Variants in PCDH11X observed in about 807,000 individuals in gnomAD.
PCDH11X encodes the protein protocadherin-11 X-linked.
Under a neutral mutation model 53.3 loss-of-function variants are expected in PCDH11X, and 18 were observed. The ratio of observed to expected loss-of-function variants is 0.34; its 90% CI spans 0.23 to 0.50. The LOEUF (loss-of-function observed/expected upper bound fraction) is 0.50. Among genes scored for constraint, PCDH11X ranks in the 20% least tolerant of loss-of-function variants. The pLI, the probability that PCDH11X is intolerant of heterozygous loss-of-function variation, is 0.98. For synonymous variants in PCDH11X, 279 were observed against 393.3 expected, an observed-to-expected ratio of 0.71 and a Z score of 3.44; for missense variants, 570 against 1,032.4, an observed-to-expected ratio of 0.55 and a Z score of 6.14.
At chrX:92,182,257 T>C (rs1569410111) in intron 6 of PCDH11X, among the ~76,000 whole-genome samples, 1 of 111,987 alleles carries the variant, frequency 8.9e-6, no homozygotes, top group Non-Finnish European at 1.9e-5. Flanking sequence ...CCCTTTGTTT[T>C]GGCCAATTTC....
rs2065279231 is a variant in PCDH11X at position 92,147,090 on chromosome X, G to T, written c.3034-54285G>T. Reference sequence around the variant, plus strand: ...ATTTTTATTTATCTTAAATGGGAATGAAATAAATAGCTCAGTAGAGACATT... The same window carrying T: ...ATTTTTATTTATCTTAAATGGGAATTAAATAAATAGCTCAGTAGAGACATT... On this transcript the variant is annotated intron_variant, in intron 6 of 10. Transcript: ENST00000682573. Among the ~76,000 whole-genome samples, 4 of 108,974 alleles carry T rather than the reference G, an allele frequency of 3.7e-5. No homozygotes were observed. The South Asian group carries it at 1.2e-3, about 31-fold the overall frequency. 94.6% of individuals were successfully genotyped at this position (108,974 alleles called of 115,157 possible).
At chrX:92,298,553 T>C (rs910730677) in intron 8 of PCDH11X, among the ~76,000 whole-genome samples, 1 of 111,754 alleles carries the variant, frequency 8.9e-6, no homozygotes, top group African/African-American at 3.3e-5. Context: ...TGCTAGTATT[T>C]TGTTGAGAAT....
chrX:91,904,534 T>C (rs1941077469), intron 6 of PCDH11X, among the ~76,000 whole-genome samples: 1 of 111,294 alleles, frequency 9.0e-6, no homozygotes, highest in African/African-American at 3.3e-5. Context: ...AAATTAATTG[T>C]AGAACGTTTG....
At chrX:91,903,885 A>G (rs1223609896) in intron 6 of PCDH11X, among the ~76,000 whole-genome samples, 1 of 110,556 alleles carries the variant, frequency 9.0e-6, no homozygotes, top group African/African-American at 3.3e-5. Context: ...GAAAATAGGG[A>G]CTAACGAATG....
At chrX:92,041,727 T>G (rs1044620701) in intron 6 of PCDH11X, among the ~76,000 whole-genome samples, 2 of 112,073 alleles carry the variant, frequency 1.8e-5, no homozygotes, top group Non-Finnish European at 3.8e-5. Flanking sequence ...ATCCCAGCAC[T>G]TTGGGAGGCT....
rs181839549 is a variant in PCDH11X at position 91,983,925 on chromosome X, G to T, written c.3033+104652G>T. Among the ~76,000 whole-genome samples the T allele has an allele frequency of 6.1e-3, 685 of 111,610 alleles. 6 individuals are homozygous for T. Among genetic ancestry groups the T allele is most frequent in the African/African-American group, 0.022 (661 of 30,689 alleles). ...TATATATGTAGACTGTGTTCTTATT[G>T]TGTTATTAGTATCTAAAGTTACATT... On this transcript the variant is annotated intron_variant, in intron 6 of 10. Transcript: ENST00000682573.
intron 9 of PCDH11X, among the ~76,000 whole-genome samples, chrX:92,449,860 A>G (rs1391091499): frequency 9.0e-6 from 1 of 110,934 alleles, no homozygotes; most frequent in East Asian, 2.8e-4. Flanking sequence ...TATGTCAGAG[A>G]GTTGTTGAAA....
chrX:92,181,745 C>T (rs1029224509), intron 6 of PCDH11X, among the ~76,000 whole-genome samples: 3 of 112,589 alleles, frequency 2.7e-5, no homozygotes, highest in African/African-American at 9.7e-5. Flanking sequence ...GCACCTTCCA[C>T]ATGGTGTTGA....
intron 9 of PCDH11X, among the ~76,000 whole-genome samples, chrX:92,432,837 C>A (rs954685322): frequency 9.2e-6 from 1 of 108,287 alleles, no homozygotes; most frequent in South Asian, 4.1e-4. Flanking sequence ...ACAGGAAAAC[C>A]TAGTGAACAA....
chrX:92,222,891 G>A (rs1362178742), intron 7 of PCDH11X, among the ~76,000 whole-genome samples: 5 of 112,040 alleles, frequency 4.5e-5, no homozygotes, highest in East Asian at 2.8e-4. Flanking sequence ...TCCGTCACCC[G>A]TTGTTCACTG....
intron 4 of PCDH11X, among the ~76,000 whole-genome samples, chrX:91,823,722 G>T (rs1602298491): frequency 9.0e-6 from 1 of 111,166 alleles, no homozygotes; most frequent in South Asian, 3.8e-4. Context: ...TCATTATGAT[G>T]TTAGCTGGTT....
At chrX:92,304,104 C>T (rs1299379861) in intron 8 of PCDH11X, among the ~76,000 whole-genome samples, 3 of 105,856 alleles carry the variant, frequency 2.8e-5, no homozygotes, top group Admixed American at 1.0e-4. Flanking sequence ...TTATGTCTCC[C>T]AAGGGTCATC....
chrX:92,279,408 T>C (rs749006842), intron 8 of PCDH11X, among the ~76,000 whole-genome samples: 2 of 112,216 alleles, frequency 1.8e-5, no homozygotes, highest in East Asian at 5.6e-4. Context: ...GTGGAGCAAA[T>C]CACAAATATT....
At chrX:92,442,894 T>C (rs1052964521) in intron 9 of PCDH11X, among the ~76,000 whole-genome samples, 7 of 105,972 alleles carry the variant, frequency 6.6e-5, no homozygotes, top group Non-Finnish European at 1.4e-4. Flanking sequence ...ATGTGTCTTT[T>C]TGGTAGAAAA....
At chrX:92,147,810 C>CCTTTCTTTCTTTCTTTCTTTTTCTTT (rs2065297561) in intron 6 of PCDH11X, among the ~76,000 whole-genome samples, 1 of 70,198 alleles carries the variant, frequency 1.4e-5, no homozygotes, top group African/African-American at 5.5e-5. Flanking sequence ...TTTCTTCCTT[C>CCTTTCTTTCTTTCTTTCTTTTTCTTT]CTTTCTTTCT....
intron 6 of PCDH11X, among the ~76,000 whole-genome samples, chrX:92,071,525 C>T (rs1314563634): frequency 9.0e-6 from 1 of 111,129 alleles, no homozygotes; most frequent in Non-Finnish European, 1.9e-5. Flanking sequence ...TGTAAGTGTT[C>T]ATCAGTGTCT....
At chrX:91,874,497 G>A (rs1356368267) in intron 5 of PCDH11X, among the ~76,000 whole-genome samples, 1 of 110,948 alleles carries the variant, frequency 9.0e-6, no homozygotes, top group Non-Finnish European at 1.9e-5. Context: ...ATATACTTTG[G>A]TTAGCTCTTG....
intron 8 of PCDH11X, among the ~76,000 whole-genome samples, chrX:92,325,495 T>C (rs2069310076): frequency 9.0e-6 from 1 of 111,632 alleles, no homozygotes; most frequent in Non-Finnish European, 1.9e-5. Context: ...TTTTAGGAAA[T>C]GCAGCGTTCT....
At chrX:92,156,244 C>G (rs770595866) in intron 6 of PCDH11X, among the ~76,000 whole-genome samples, 1 of 109,639 alleles carries the variant, frequency 9.1e-6, no homozygotes, top group Non-Finnish European at 1.9e-5. Context: ...TCCTATCCGC[C>G]CCCCCATTCC....
Sources: allele counts gnomAD v4.1 joint callset (sites outside exome capture counted in the v4.1 genomes callset), GRCh38; gene constraint gnomAD v4.1.1; transcripts MANE v1.5; gene names NCBI Gene and HGNC (gene_info 2026-07-23, HGNC 2026-07-21).